DIAPH3: variants seen among roughly 807,000 people sequenced by gnomAD.
DIAPH3 encodes diaphanous related formin 3.
In DIAPH3, 117 loss-of-function variants were observed where a neutral mutation model predicts 144.3. That is an observed-to-expected ratio of 0.81 (90% CI 0.70 to 0.95). The LOEUF (loss-of-function observed/expected upper bound fraction) is 0.95. Among genes scored for constraint, DIAPH3 ranks in the 40% least tolerant of loss-of-function variants. The pLI, the probability that DIAPH3 is intolerant of heterozygous loss-of-function variation, is 0.00. For missense variants in DIAPH3, 1,421 were observed against 1,412.7 expected, an observed-to-expected ratio of 1.01 and a Z score of -0.09; for synonymous variants, 519 against 488.9, an observed-to-expected ratio of 1.06 and a Z score of -0.81.
At chr13:60,150,349 T>C (rs1460263178) in intron 1 of DIAPH3, among the ~76,000 whole-genome samples, 9 of 151,916 alleles carry the variant, frequency 5.9e-5, no homozygotes, top group African/African-American at 2.2e-4. Context: ...AAAAAACTAT[T>C]TGGGACAAAA....
At chr13:60,131,343 G>C (rs538975987) in intron 2 of DIAPH3, among the ~76,000 whole-genome samples, 2 of 151,274 alleles carry the variant, frequency 1.3e-5, no homozygotes, top group East Asian at 3.9e-4. Flanking sequence ...GGCTGATGTG[G>C]GAGGATTGCC....
intron 23 of DIAPH3, 99 bp downstream of exon 23, chr13:59,839,225 A>G: frequency 6.7e-7 from 1 of 1,485,966 alleles, no homozygotes; most frequent in East Asian, 2.4e-5. Flanking sequence ...ATTTGGCACT[A>G]CAGAATGATC....
At chr13:60,099,681 C>T (rs947751792) in intron 3 of DIAPH3, among the ~76,000 whole-genome samples, 4 of 152,084 alleles carry the variant, frequency 2.6e-5, no homozygotes, top group African/African-American at 7.2e-5. Context: ...CAGGGGAAAC[C>T]GAGTTGCAAC....
At position 59,773,917 on chromosome 13, in the gene DIAPH3, A is replaced by G. The variant is rs146325643; in HGVS notation, c.3319+272T>C. 246 of 386,460 alleles carry G rather than the reference A, an allele frequency of 6.4e-4. 2 individuals carry two copies. In the East Asian group the frequency reaches 0.011, roughly 18 times the overall value. The allele number at this position is 386,460 out of a possible 1,614,324, so 23.9% of individuals were successfully genotyped here. A position where few individuals can be genotyped will look rare whatever the true frequency, so the allele number is the denominator to read the frequency against. On this transcript the variant is annotated intron_variant, in intron 27 of 27. Transcript: ENST00000400324. ...AGAAAGAGTGCCTTGGATAACACTG[A>G]TCAGCAATGATTGAATGTTAACTTC...
chr13:59,992,054 G>A lies in DIAPH3; in HGVS notation c.1244+14C>T. On this transcript the variant is annotated intron_variant, in intron 11 of 27. Coordinates refer to ENST00000400324, the MANE Select transcript of DIAPH3 (RefSeq NM_001042517.2). ...TTATATATGATTTGACTAGACTTCA[G>A]AACAAAAGGATATTCAAGTTCAGCT... is the stretch of plus-strand genomic sequence containing the variant. 2 of 1,597,354 alleles carry A rather than the reference G, an allele frequency of 1.3e-6. No individual in the cohort carries two copies. Among genetic ancestry groups the A allele is most frequent in the South Asian group, 2.2e-5 (2 of 90,742 alleles).
intron 8 of DIAPH3, among the ~76,000 whole-genome samples, chr13:60,010,066 C>A (rs1179025825): frequency 6.6e-6 from 1 of 152,038 alleles, no homozygotes; most frequent in Middle Eastern, 3.2e-3. Context: ...ACTTTGTACC[C>A]TCAACCAGTA....
Position 59,980,710 on chromosome 13 carries a change from C to T in DIAPH3, c.1545+85G>A, listed in dbSNP as rs181193659. 2.0e-4 allele frequency: 242 copies of T among 1,221,344 alleles called. 3 individuals are homozygous for T. The East Asian group carries it at 2.9e-3, about 15-fold the overall frequency. 75.7% of individuals were successfully genotyped at this position (1,221,344 alleles called of 1,614,324 possible). The stretch of plus-strand genomic sequence containing the variant: ...CCTGAAGCAGATAAAGAAGAAAGAA[C>T]GAATAACAAGCAAATTCCCTGAGGC... On this transcript the variant is annotated intron_variant, in intron 14 of 27. Coordinates refer to ENST00000400324, the MANE Select transcript of DIAPH3 (RefSeq NM_001042517.2).
intron 27 of DIAPH3, among the ~76,000 whole-genome samples, chr13:59,714,550 T>G (rs1217661737): frequency 3.9e-5 from 6 of 152,066 alleles, no homozygotes. Context: ...GAAATAAGTT[T>G]TAATGATCAG....
intron 5 of DIAPH3, among the ~76,000 whole-genome samples, chr13:60,019,792 A>T (rs1174997152): frequency 1.3e-5 from 2 of 152,148 alleles, no homozygotes; most frequent in Non-Finnish European, 2.9e-5. Context: ...TACAGAAGTA[A>T]ATACAGTCAG....
intron 27 of DIAPH3, among the ~76,000 whole-genome samples, chr13:59,730,593 ATAGACT>A (rs2035849907): frequency 6.6e-6 from 1 of 152,230 alleles, no homozygotes; most frequent in Admixed American, 6.5e-5. Context: ...GAAAGTAAAT[ATAGACT>A]TAGTTAAAGG....
At chr13:59,992,006 G>T in intron 11 of DIAPH3, 62 bp downstream of exon 11, 1 of 1,298,802 alleles carries the variant, frequency 7.7e-7, no homozygotes, top group Non-Finnish European at 1.1e-6. Context: ...TTGTGGCTGA[G>T]TATTTTGGAT....
intron 27 of DIAPH3, among the ~76,000 whole-genome samples, chr13:59,737,778 G>A (rs1048892393): frequency 6.6e-6 from 1 of 152,086 alleles, no homozygotes; most frequent in Non-Finnish European, 1.5e-5. Flanking sequence ...GGCCATTATA[G>A]TAGTTGCTCA....
chr13:59,931,322 TC>T (rs2048006010), intron 17 of DIAPH3, among the ~76,000 whole-genome samples: 1 of 152,144 alleles, frequency 6.6e-6, no homozygotes, highest in Admixed American at 6.5e-5. Flanking sequence ...CTAACTAGTC[TC>T]CTTGCTTTCA....
chr13:59,805,930 G>C (rs189759745), intron 25 of DIAPH3, among the ~76,000 whole-genome samples: 1 of 151,912 alleles, frequency 6.6e-6, no homozygotes, highest in African/African-American at 2.4e-5. Flanking sequence ...CTTGCTGAGG[G>C]CAAGTAATGA....
intron 4 of DIAPH3, among the ~76,000 whole-genome samples, chr13:60,076,316 C>G (rs1412930009): frequency 6.6e-6 from 1 of 152,132 alleles, no homozygotes; most frequent in Non-Finnish European, 1.5e-5. Context: ...ATTCCGACAC[C>G]TCTCTCTCCG....
rs536056438 is a variant in DIAPH3, at chr13:59,817,685, T to C, written c.3028-6762A>G. On this transcript the variant is annotated intron_variant, in intron 24 of 27. Transcript: ENST00000400324. The stretch of plus-strand genomic sequence containing the variant: ...CCATCTATTTGTCTAGCTTTAGTTA[T>C]GCCTTTATTTTTCCTGATTTTTTTT... Among the ~76,000 whole-genome samples, 6 of 152,086 alleles carry C rather than the reference T, an allele frequency of 3.9e-5. No homozygotes were observed. In the East Asian group the frequency reaches 7.7e-4, roughly 20 times the overall value.
intron 27 of DIAPH3, among the ~76,000 whole-genome samples, chr13:59,723,926 CT>C (rs1321778564): frequency 1.1e-4 from 16 of 142,634 alleles, no homozygotes; most frequent in Admixed American, 2.2e-4. Context: ...AAATGATAGT[CT>C]ATCTATCTGT....
chr13:59,702,784 C>T (rs1361580780), intron 27 of DIAPH3, among the ~76,000 whole-genome samples: 1 of 152,118 alleles, frequency 6.6e-6, no homozygotes, highest in Non-Finnish European at 1.5e-5. Context: ...GCTTCTCTGA[C>T]CTAATCTCCT....
At chr13:60,005,135 G>A (rs182021810) in intron 9 of DIAPH3, among the ~76,000 whole-genome samples, 1 of 152,304 alleles carries the variant, frequency 6.6e-6, no homozygotes, top group African/African-American at 2.4e-5. Context: ...ACTGACAGCT[G>A]ATAAAATGTG....
Sources: gnomAD v4.1 joint callset for allele counts (sites outside exome capture counted in the v4.1 genomes callset) on GRCh38, gnomAD v4.1.1 for gene constraint, MANE v1.5 for transcripts, NCBI Gene and HGNC (gene_info 2026-07-23, HGNC 2026-07-21) for gene names.